SCN10A: variants seen among roughly 807,000 people sequenced by gnomAD.
SCN10A encodes sodium channel protein type 10 subunit alpha.
In SCN10A, 162 loss-of-function variants were observed where a neutral mutation model predicts 170.7. That is an observed-to-expected ratio of 0.95 (90% CI 0.84 to 1.08). The LOEUF is 1.08. Ranked by LOEUF, SCN10A falls within the 50% of genes least tolerant of loss-of-function variation. The probability of loss-of-function intolerance (pLI) is 0.00; values close to 1 mark genes in which losing one functional copy is unlikely to be tolerated. For synonymous variants in SCN10A, 985 were observed against 904.6 expected (o/e 1.09, Z -1.59); for missense variants, 2,527 against 2,436.9 (o/e 1.04, Z -0.78).
intron 17 of SCN10A, 37 bp downstream of exon 17, chr3:38,726,569 C>G: frequency 6.6e-7 from 1 of 1,510,258 alleles, no homozygotes; most frequent in Non-Finnish European, 9.0e-7. Flanking sequence ...AAGCCCCTCC[C>G]CACTGCCTGT....
chr3:38,751,832 C>G (rs868106574), intron 12 of SCN10A, among the ~76,000 whole-genome samples: 10 of 152,170 alleles, frequency 6.6e-5, no homozygotes, highest in Non-Finnish European at 1.3e-4. Flanking sequence ...TTTGCCCAGC[C>G]TAGAAGAGTT....
chr3:38,726,710 C>A lies in SCN10A; in HGVS notation c.2983G>T (p.Val995Phe), dbSNP rs533149362. 6.2e-7 allele frequency: 1 copy of A among 1,612,590 alleles called. No individual in the cohort carries two copies. Among genetic ancestry groups the A allele is most frequent in the African/African-American group, 1.3e-5 (1 of 74,818 alleles). ...SDFIANPTVW[V>F]SVPIAEGESD... ...TCACCCTCAGCAATGGGCACAGAGA[C>A]CCACACAGTCGGATTAGCGATGAAG... The change falls in exon 17 of 28, where the codon GTC becomes TTC. Residue 995 changes from valine to phenylalanine, a missense_variant. Transcript: ENST00000449082.
rs187294988 is a variant in SCN10A at position 38,722,971 on chromosome 3, G to T, written c.3352+459C>A. On this transcript the variant is annotated intron_variant, in intron 19 of 27. Transcript: ENST00000449082. ...CACAAATATTTATTGAGAATGTAAT[G>T]TGCCTCACTGTTCTAAACACTGAGA... Among the ~76,000 whole-genome samples, 13 of 152,326 alleles carry T rather than the reference G, an allele frequency of 8.5e-5. No individual in the cohort carries two copies. The South Asian group carries it at 1.7e-3, about 19-fold the overall frequency.
In SCN10A at chr3:38,788,940, T is replaced by C. The variant is rs1387907944; in HGVS notation, c.470+16A>G. On this transcript the variant is annotated intron_variant, in intron 4 of 27. Coordinates refer to ENST00000449082, the MANE Select transcript of SCN10A (RefSeq NM_006514.4). ...GCAAAAAGAGATGGTACAATAATGA[T>C]AGCAAATCTACTCACTCAATTTTCT... is the stretch of plus-strand genomic sequence containing the variant. 2 of 1,503,566 alleles carry C rather than the reference T, an allele frequency of 1.3e-6. No individual in the cohort carries two copies. Among genetic ancestry groups the C allele is most frequent in the Admixed American group, 1.7e-5 (1 of 59,740 alleles). The allele number at this position is 1,503,566 out of a possible 1,614,324, so 93.1% of individuals were successfully genotyped here. A position where few individuals can be genotyped will look rare whatever the true frequency, so the allele number is the denominator to read the frequency against.
intron 21 of SCN10A, among the ~76,000 whole-genome samples, chr3:38,716,881 GA>G (rs1049270108): frequency 3.3e-5 from 5 of 152,140 alleles, no homozygotes; most frequent in African/African-American, 1.2e-4. Flanking sequence ...TAGGATGGAT[GA>G]ATGGATGATG....
At chr3:38,800,002 CT>C (rs1469079803) in intron 1 of SCN10A, among the ~76,000 whole-genome samples, 2 of 152,202 alleles carry the variant, frequency 1.3e-5, no homozygotes, top group African/African-American at 4.8e-5. Flanking sequence ...AGTCCATTGA[CT>C]TTCTAAGTTC....
intron 27 of SCN10A, among the ~76,000 whole-genome samples, chr3:38,701,289 G>A (rs1235571542): frequency 6.6e-6 from 1 of 152,168 alleles, no homozygotes; most frequent in Non-Finnish European, 1.5e-5. Flanking sequence ...TCTTGGCATT[G>A]ATATCTTGAC....
intron 23 of SCN10A, among the ~76,000 whole-genome samples, chr3:38,711,839 T>C (rs62242429): frequency 0.083 from 12,589 of 152,274 alleles, 677 homozygotes; most frequent in East Asian, 0.27. Context: ...GATGTGAAGT[T>C]GAAGACTGAA....
chr3:38,760,033 ATTAT>A (rs1654489493), intron 8 of SCN10A, among the ~76,000 whole-genome samples: 1 of 152,196 alleles, frequency 6.6e-6, no homozygotes. Flanking sequence ...CCTGGGGTAG[ATTAT>A]TTATTAAAAT....
intron 13 of SCN10A, among the ~76,000 whole-genome samples, chr3:38,745,820 G>T (rs1339956048): frequency 6.6e-6 from 1 of 151,798 alleles, no homozygotes; most frequent in African/African-American, 2.4e-5. Flanking sequence ...TCTTGGCTCT[G>T]CATTGTATTC....
chr3:38,762,057 C>T (rs1162517755), intron 6 of SCN10A, among the ~76,000 whole-genome samples: 1 of 152,160 alleles, frequency 6.6e-6, no homozygotes, highest in East Asian at 1.9e-4. Flanking sequence ...GAAGGATACA[C>T]CTGCTTGTTT....
chr3:38,795,680 T>C (rs2064336774), intron 1 of SCN10A, among the ~76,000 whole-genome samples: 1 of 152,108 alleles, frequency 6.6e-6, no homozygotes, highest in Non-Finnish European at 1.5e-5. Flanking sequence ...TCCTTCTCAG[T>C]CTCTCCTTTC....
At position 38,797,483 on chromosome 3, in the gene SCN10A, A is replaced by T. The variant is rs181290266; in HGVS notation, c.-32-3441T>A. Among the ~76,000 whole-genome samples, 14 of 152,312 alleles carry T rather than the reference A, an allele frequency of 9.2e-5. No individual in the cohort carries two copies. The East Asian group carries it at 2.7e-3, about 29-fold the overall frequency. ...TTACGGAACTTTTCAAAGTCAACCT[A>T]CATTACATAATTGAACATCTGTCTT... On this transcript the variant is annotated intron_variant, in intron 1 of 27. Coordinates refer to ENST00000449082, the MANE Select transcript of SCN10A (RefSeq NM_006514.4).
At chr3:38,708,285 T>G (rs116740463) in intron 25 of SCN10A, among the ~76,000 whole-genome samples, 2 of 152,080 alleles carry the variant, frequency 1.3e-5, no homozygotes, top group African/African-American at 4.8e-5. Flanking sequence ...GACCAAGGAT[T>G]CAGTAGATGC....
rs2063567359 is a variant in SCN10A at position 38,736,962 on chromosome 3, C to CTTTTT, written c.2280+2552_2280+2553insAAAAA. Among the ~76,000 whole-genome samples the CTTTTT allele has an allele frequency of 6.4e-4, 44 of 69,234 alleles. 2 individuals are homozygous for CTTTTT. Among genetic ancestry groups the CTTTTT allele is most frequent in the African/African-American group, 2.0e-3 (38 of 19,126 alleles). 45.4% of individuals were successfully genotyped at this position (69,234 alleles called of 152,430 possible). ...CTTCCCCAAGTGTAGCAGAAATGTT[C>CTTTTT]GTTTTTTTTTTTTTTTTTTTTTTTT... On this transcript the variant is annotated intron_variant, in intron 15 of 27. Transcript: ENST00000449082.
At position 38,752,262 on chromosome 3, in the gene SCN10A, G is replaced by A. The variant is rs148046286; in HGVS notation, c.1712C>T (p.Pro571Leu). 2.6e-5 allele frequency: 41 copies of A among 1,577,938 alleles called. No homozygotes were observed. Among genetic ancestry groups the A allele is most frequent in the Middle Eastern group, 3.4e-4 (2 of 5,918 alleles). The stretch of plus-strand genomic sequence containing the variant: ...AGGGGCAAGCTCACTAGTGGGCGGC[G>A]GTTGGTGTTCATCTTCTCCATGCCT... ...DSRHGEDEHQ[P>L]PPTSELAPGA... The change falls in exon 12 of 28, where the codon CCG becomes CTG. Residue 571 changes from proline (P) to leucine (L), a missense_variant. Pro to Leu is a moderately conservative substitution (Grantham distance 98, BLOSUM62 -3). Coordinates refer to ENST00000449082, the MANE Select transcript of SCN10A (RefSeq NM_006514.4).
chr3:38,808,470 C>T (rs1307980950), intron 1 of SCN10A, among the ~76,000 whole-genome samples: 3 of 152,188 alleles, frequency 2.0e-5, no homozygotes, highest in South Asian at 2.1e-4. Flanking sequence ...AGAAAGTAAG[C>T]TTCCTGAGCC....
intron 21 of SCN10A, 89 bp from the exon 22 acceptor site, chr3:38,714,169 C>G (rs2063307287): frequency 6.6e-7 from 1 of 1,510,888 alleles, no homozygotes; most frequent in African/African-American, 1.4e-5. Context: ...GCCCAGCCTC[C>G]CATTCCTACA....
intron 15 of SCN10A, among the ~76,000 whole-genome samples, chr3:38,736,971 T>TTTTG (rs2063569734): frequency 1.1e-5 from 1 of 93,884 alleles, no homozygotes; most frequent in Non-Finnish European, 2.2e-5. Context: ...TCGTTTTTTT[T>TTTTG]TTTTTTTTTT....
Sources: gnomAD v4.1 joint callset for allele counts (sites outside exome capture counted in the v4.1 genomes callset) on GRCh38, gnomAD v4.1.1 for gene constraint, MANE v1.5 for transcripts, NCBI Gene and HGNC (gene_info 2026-07-23, HGNC 2026-07-21) for gene names.